The following SEC23A variants were observed in gnomAD, a reference collection of about 807,000 sequenced individuals.
The protein encoded by SEC23A is SEC23 homolog A, COPII component.
Under a neutral mutation model 103.7 loss-of-function variants are expected in SEC23A, and 56 were observed. The observed-to-expected ratio is 0.54, with a 90% confidence interval of 0.44 to 0.67. The LOEUF (loss-of-function observed/expected upper bound fraction) is 0.67. SEC23A is among the 30% of genes least tolerant of loss of function. The probability of loss-of-function intolerance (pLI) is 0.00; values close to 1 mark genes in which losing one functional copy is unlikely to be tolerated. For synonymous variants in SEC23A, 281 were observed against 293.0 expected (o/e 0.96, Z 0.42); for missense variants, 784 against 936.4 (o/e 0.84, Z 2.12).
chr14:39,078,868 TATAGA>T (rs1887126860), intron 7 of SEC23A, among the ~76,000 whole-genome samples: 1 of 151,790 alleles, frequency 6.6e-6, no homozygotes, highest in South Asian at 2.1e-4. Context: ...ATGTAACAAA[TATAGA>T]ATAGAAAGAG....
intron 1 of SEC23A, among the ~76,000 whole-genome samples, chr14:39,101,443 C>T (rs1458397836): frequency 6.6e-6 from 1 of 151,664 alleles, no homozygotes; most frequent in African/African-American, 2.4e-5. Context: ...TATGGTTAAA[C>T]CCCGTCTCTA....
intron 5 of SEC23A, among the ~76,000 whole-genome samples, chr14:39,087,274 AAC>A: frequency 6.6e-6 from 1 of 152,336 alleles, no homozygotes; most frequent in Middle Eastern, 3.4e-3. Context: ...ATTTCTAATT[AAC>A]AGTCAAAATA....
At chr14:39,094,983 C>T in intron 2 of SEC23A, 1 of 700,134 alleles carries the variant, frequency 1.4e-6, no homozygotes, top group Non-Finnish European at 2.6e-6. Flanking sequence ...GATTTTCATT[C>T]ATAAAACTCT....
intron 14 of SEC23A, among the ~76,000 whole-genome samples, chr14:39,049,431 G>C (rs555310424): frequency 6.6e-6 from 1 of 151,400 alleles, no homozygotes; most frequent in African/African-American, 2.4e-5. Flanking sequence ...AGCTGAGATC[G>C]TGCCACTGGA....
chr14:39,095,477 T>C (rs1490082305), intron 2 of SEC23A, among the ~76,000 whole-genome samples: 1 of 152,066 alleles, frequency 6.6e-6, no homozygotes, highest in Non-Finnish European at 1.5e-5. Flanking sequence ...TTTGTATTTT[T>C]AGTAGAGACG....
At chr14:39,054,267 C>G (rs1346683288) in intron 14 of SEC23A, among the ~76,000 whole-genome samples, 1 of 150,734 alleles carries the variant, frequency 6.6e-6, no homozygotes, top group Non-Finnish European at 1.5e-5. Context: ...AGAGTGAGAC[C>G]CTGTCTCAAA....
At chr14:39,053,756 A>G (rs1264748170) in intron 14 of SEC23A, among the ~76,000 whole-genome samples, 2 of 152,202 alleles carry the variant, frequency 1.3e-5, no homozygotes, top group Non-Finnish European at 2.9e-5. Context: ...TAGAGTTCTC[A>G]AAAGGGTGTT....
intron 5 of SEC23A, among the ~76,000 whole-genome samples, chr14:39,088,885 T>C (rs1435409104): frequency 2.0e-5 from 3 of 149,626 alleles, no homozygotes; most frequent in African/African-American, 7.4e-5. Flanking sequence ...AATACAAAAA[T>C]TGGCCAGGCG....
chr14:39,055,186 C>T lies in SEC23A; in HGVS notation c.1616G>A (p.Gly539Asp). ...LAIYRAETEE[G>D]PDVLRWLDRQ... is the part of the protein sequence containing the mutation. Reference sequence around the variant, plus strand: ...GTCCAGCCACCTAAGCACATCTGGACCTTCTTCTGTTTCTGCTCTATATAT... The same window carrying T: ...GTCCAGCCACCTAAGCACATCTGGATCTTCTTCTGTTTCTGCTCTATATAT... Residue 539 changes from glycine (G) to aspartate (D), a missense_variant, in exon 14 of 20, where the codon GGT (glycine) becomes GAT (aspartate). Around this residue, in one of 2 missense-constraint regions of SEC23A, gnomAD observed 683 missense variants for 774.2 expected, o/e 0.88. Transcript: ENST00000307712. 6.2e-7 allele frequency: 1 copy of T among 1,614,220 alleles called. No homozygotes were observed. The highest frequency in any genetic ancestry group is 8.5e-7 in the Non-Finnish European group (1 of 1,180,038).
At chr14:39,046,367 G>T (rs1322605344) in intron 15 of SEC23A, among the ~76,000 whole-genome samples, 2 of 152,076 alleles carry the variant, frequency 1.3e-5, no homozygotes, top group African/African-American at 4.8e-5. Context: ...CAGCTACTCG[G>T]GAGGCAGAGA....
intron 7 of SEC23A, 23 bp from the exon 8 acceptor site, chr14:39,076,116 T>C (rs1198598996): frequency 2.4e-5 from 38 of 1,565,640 alleles, no homozygotes; most frequent in Non-Finnish European, 3.1e-5. Flanking sequence ...AAGTCAAGAG[T>C]TTAAAAGAAA....
intron 14 of SEC23A, 23 bp downstream of exon 14, chr14:39,055,120 A>G: frequency 1.2e-6 from 2 of 1,613,944 alleles, no homozygotes; most frequent in South Asian, 1.1e-5. Flanking sequence ...CAGATTTAGA[A>G]AAGCACAGTG....
chr14:39,067,666 CTTTTTTT>C (rs762046832), intron 9 of SEC23A, among the ~76,000 whole-genome samples: 1 of 82,168 alleles, frequency 1.2e-5, no homozygotes, highest in Non-Finnish European at 2.3e-5. Context: ...CATGCATTCT[CTTTTTTT>C]TTTTTTTTTT....
chr14:39,092,635 T>C lies in SEC23A; in HGVS notation c.280-8A>G, dbSNP rs746938019. The stretch of plus-strand genomic sequence containing the variant: ...AGCATAACTAGGTGGAAACTACAAA[T>C]AGAAAACAAACAAAAATTTTTAACA... On this transcript the variant is annotated splice_region_variant and splice_polypyrimidine_tract_variant and intron_variant, in intron 3 of 19. Transcript: ENST00000307712. The C allele has an allele frequency of 9.5e-6, 15 of 1,583,512 alleles. No homozygotes were observed. The highest frequency in any genetic ancestry group is 2.7e-5 in the African/African-American group (2 of 74,276).
At chr14:39,095,075 G>A in intron 2 of SEC23A, 2 of 676,230 alleles carry the variant, frequency 3.0e-6, no homozygotes, top group Non-Finnish European at 5.3e-6. Context: ...AATTGCCCAG[G>A]AAAAAGACTG....
At chr14:39,101,265 A>T (rs1888081860) in intron 1 of SEC23A, among the ~76,000 whole-genome samples, 1 of 152,220 alleles carries the variant, frequency 6.6e-6, no homozygotes, top group Non-Finnish European at 1.5e-5. Context: ...AAAAGCTAAG[A>T]AGCAAACCAC....
rs774503433 is a variant in SEC23A at position 39,074,447 on chromosome 14, G to A, written c.1071C>T (p.Leu357=). ...IYACALDQTG[L]LEMKCCPNLT... Reference sequence around the variant, plus strand: ...GGTTGGGACAGCATTTCATCTCCAGGAGACCTGTCTGATCTAATGCACACG... The same window carrying A: ...GGTTGGGACAGCATTTCATCTCCAGAAGACCTGTCTGATCTAATGCACACG... The change falls in exon 9 of 20, where the codon CTC becomes CTT. Residue 357 remains leucine (L), a synonymous_variant. Transcript: ENST00000307712. The A allele has an allele frequency of 1.9e-6, 3 of 1,613,138 alleles. No homozygotes were observed. Among genetic ancestry groups the A allele is most frequent in the South Asian group, 2.2e-5 (2 of 91,062 alleles).
Position 39,033,335 on chromosome 14 carries a change from G to A in SEC23A, c.2209-7C>T, listed in dbSNP as rs113214196. On this transcript the variant is annotated splice_polypyrimidine_tract_variant and splice_region_variant and intron_variant, in intron 19 of 19. Coordinates refer to ENST00000307712, the MANE Select transcript of SEC23A (RefSeq NM_006364.4). ...GAATAGGTGCTCCAGACTCCTAGAG[G>A]AAAAAAGATATTTGTTATGATTAAA... The A allele has an allele frequency of 1.5e-5, 21 of 1,411,568 alleles. No homozygotes were observed. Among genetic ancestry groups the A allele is most frequent in the Non-Finnish European group, 1.7e-5 (18 of 1,050,184 alleles). The allele number at this position is 1,411,568 out of a possible 1,614,324, so 87.4% of individuals were successfully genotyped here.
intron 14 of SEC23A, among the ~76,000 whole-genome samples, chr14:39,053,192 C>T (rs895637737): frequency 6.6e-6 from 1 of 152,084 alleles, no homozygotes; most frequent in Non-Finnish European, 1.5e-5. Context: ...AAAAACAGTA[C>T]AATAAGTCAA....
Sources: gnomAD v4.1 joint callset for allele counts (sites outside exome capture counted in the v4.1 genomes callset) on GRCh38, gnomAD v4.1.1 for gene constraint, gnomAD v4.1.1 regional missense constraint, MANE v1.5 for transcripts, NCBI Gene and HGNC (gene_info 2026-07-23, HGNC 2026-07-21) for gene names.